The following SALL2 variants were observed in gnomAD, a reference collection of about 807,000 sequenced individuals.
SALL2 encodes the protein sal-like protein 2.
In SALL2, 32 loss-of-function variants were observed where a neutral mutation model predicts 58.5. That is an observed-to-expected ratio of 0.55 (90% CI 0.41 to 0.74). The LOEUF is 0.74. SALL2 is among the 30% of genes least tolerant of loss of function. The pLI, the probability that SALL2 is intolerant of heterozygous loss-of-function variation, is 0.00. For synonymous variants in SALL2, 516 were observed against 513.6 expected (o/e 1.00, Z -0.06); for missense variants, 1,201 against 1,268.9 (o/e 0.95, Z 0.81).
In SALL2 at chr14:21,524,818, G is replaced by C. The variant is rs546173641; in HGVS notation, c.904C>G (p.Pro302Ala). The change falls in exon 2 of 2, where the codon CCA becomes GCA. Residue 302 changes from proline to alanine, a missense_variant. Coordinates refer to ENST00000537235, the MANE Select transcript of SALL2 (RefSeq NM_001364564.1). ...TGATCTGTGCTGCCTGGCAAGGCTG[G>C]GGAAGGGGCAGGGGTGGGTTTGTGG... ...RSHKPTPAPS[P>A]ALPGSTDQLI... The C allele has an allele frequency of 1.7e-5, 28 of 1,611,130 alleles. No homozygotes were observed. The highest frequency in any genetic ancestry group is 1.7e-4 in the Middle Eastern group (1 of 6,056).
chr14:21,535,133 C>G (rs1331991397), intron 1 of SALL2, among the ~76,000 whole-genome samples: 1 of 152,070 alleles, frequency 6.6e-6, no homozygotes, highest in East Asian at 1.9e-4. Context: ...ATTACGAGAT[C>G]AGGAGATCCA....
Position 21,522,117 on chromosome 14 carries a change from A to T in SALL2, c.*587T>A. On this transcript the variant is annotated 3_prime_UTR_variant, in exon 2 of 2. Transcript: ENST00000537235. Reference sequence around the variant, plus strand: ...TTCCCTGGATCCCATTGTTGGAGGCACCTTCCCAGCCACAGTTCCTAGGCC... The same window carrying T: ...TTCCCTGGATCCCATTGTTGGAGGCTCCTTCCCAGCCACAGTTCCTAGGCC... 1 of 1,597,658 alleles carries T rather than the reference A, an allele frequency of 6.3e-7. No homozygotes were observed.
In SALL2 at chr14:21,523,834, G is replaced by GTCTAACACTTCT. The variant is rs780138822; in HGVS notation, c.1887_1888insAGAAGTGTTAGA (p.Asn629_Gln630insArgSerValArg). On this transcript the variant is annotated inframe_insertion, in exon 2 of 2. Coordinates refer to ENST00000537235, the MANE Select transcript of SALL2 (RefSeq NM_001364564.1). This position sits in a 1 kb window ranked among gnomAD's most constrained non-coding sequence, Gnocchi z 4.4. ...AGCACTCGGAGACAGATGACACACTGGTTAGGTCCAGAAGAGGCTGAGGAT... is the reference window on the plus strand; with the variant it reads ...AGCACTCGGAGACAGATGACACACTGTCTAACACTTCTGTTAGGTCCAGAAGAGGCTGAGGAT... 13 of 1,614,102 alleles carry GTCTAACACTTCT rather than the reference G, an allele frequency of 8.1e-6. No individual in the cohort carries two copies. The highest frequency in any genetic ancestry group is 1.1e-5 in the Non-Finnish European group (13 of 1,180,052).
In SALL2 at chr14:21,522,544, G is replaced by A. The variant is rs1458982975; in HGVS notation, c.*160C>T. 2.4e-5 allele frequency: 34 copies of A among 1,392,414 alleles called. No homozygotes were observed. The highest frequency in any genetic ancestry group is 3.1e-5 in the Non-Finnish European group (33 of 1,077,322). 86.3% of individuals were successfully genotyped at this position (1,392,414 alleles called of 1,614,324 possible). A position where few individuals can be genotyped will look rare whatever the true frequency, so the allele number is the denominator to read the frequency against. ...AGGGGGCCATCCCCTTGTAAGCACA[G>A]TAATTTCCAAGCTCAGGGACTACAG... On this transcript the variant is annotated 3_prime_UTR_variant, in exon 2 of 2. Coordinates refer to ENST00000537235, the MANE Select transcript of SALL2 (RefSeq NM_001364564.1).
Position 21,524,750 on chromosome 14 carries a change from T to A in SALL2, c.972A>T (p.Gly324=). 6.2e-7 allele frequency: 1 copy of A among 1,609,360 alleles called. No individual in the cohort carries two copies. The highest frequency in any genetic ancestry group is 8.5e-7 in the Non-Finnish European group (1 of 1,177,494). ...SPHLAFPSTT[G]LLAAQCLGAA... Reference sequence around the variant, plus strand: ...CCCCAAGACACTGTGCTGCCAGTAGTCCCGTGGTGCTTGGGAATGCCAGAT... The same window carrying A: ...CCCCAAGACACTGTGCTGCCAGTAGACCCGTGGTGCTTGGGAATGCCAGAT... The change falls in exon 2 of 2, where the codon GGA becomes GGT. Residue 324 remains glycine (G), a synonymous_variant. Coordinates refer to ENST00000537235, the MANE Select transcript of SALL2 (RefSeq NM_001364564.1).
chr14:21,535,953 G>GTT (rs889426478), intron 1 of SALL2, among the ~76,000 whole-genome samples: 22 of 109,252 alleles, frequency 2.0e-4, no homozygotes, highest in African/African-American at 7.4e-4. Flanking sequence ...GGTTTAGTGG[G>GTT]TTTAGTGAGC....
intron 1 of SALL2, among the ~76,000 whole-genome samples, chr14:21,535,952 GGTTT>G (rs33931714): frequency 0.15 from 23,315 of 151,940 alleles, 1,995 homozygotes; most frequent in Admixed American, 0.17. Flanking sequence ...AGGTTTAGTG[GGTTT>G]AGTGAGCACT....
upstream of SALL2, among the ~76,000 whole-genome samples, chr14:21,530,093 CA>C (rs1318325347): frequency 1.3e-5 from 2 of 152,166 alleles, no homozygotes; most frequent in African/African-American, 2.4e-5. Context: ...CTACAGTGCC[CA>C]CAACCACACA....
chr14:21,532,115 A>G (rs577114364), intron 1 of SALL2, among the ~76,000 whole-genome samples: 1 of 152,340 alleles, frequency 6.6e-6, no homozygotes, highest in South Asian at 2.1e-4. Context: ...CTTTGTAAAC[A>G]TTATGCTTTC....
Sources: allele counts gnomAD v4.1 joint callset (sites outside exome capture counted in the v4.1 genomes callset), GRCh38; gene constraint gnomAD v4.1.1; non-coding constraint Gnocchi (gnomAD v3.1); transcripts MANE v1.5; gene names NCBI Gene and HGNC (gene_info 2026-07-23, HGNC 2026-07-21).